DLG2: variants seen among roughly 807,000 people sequenced by gnomAD.
DLG2 encodes discs large MAGUK scaffold protein 2.
Under a neutral mutation model 132.5 loss-of-function variants are expected in DLG2, and 45 were observed. The ratio of observed to expected loss-of-function variants is 0.34; its 90% CI spans 0.27 to 0.44. The LOEUF (loss-of-function observed/expected upper bound fraction) is 0.44. DLG2 is among the 20% of genes least tolerant of loss of function. The probability of loss-of-function intolerance (pLI) is 1.00; values close to 1 mark genes in which losing one functional copy is unlikely to be tolerated. For missense variants in DLG2, 1,045 were observed against 1,196.9 expected (o/e 0.87, Z 1.87); for synonymous variants, 424 against 419.6 (o/e 1.01, Z -0.13).
intron 7 of DLG2, among the ~76,000 whole-genome samples, chr11:84,516,367 A>ACT (rs1213161769): frequency 4.6e-5 from 7 of 151,644 alleles, no homozygotes; most frequent in African/African-American, 1.7e-4. Context: ...AGACTCAGAT[A>ACT]AAGTCAAACA....
intron 3 of DLG2, among the ~76,000 whole-genome samples, chr11:85,295,385 C>T (rs1208078385): frequency 6.6e-6 from 1 of 152,118 alleles, no homozygotes; most frequent in Non-Finnish European, 1.5e-5. Context: ...AAGAAATTAG[C>T]ATTTGCCATT....
intron 6 of DLG2, among the ~76,000 whole-genome samples, chr11:84,863,996 G>A (rs4144289): frequency 0.51 from 77,849 of 151,988 alleles, 21,139 homozygotes; most frequent in African/African-American, 0.69. Flanking sequence ...TATAAACTGT[G>A]AAGTTTCAGG....
intron 18 of DLG2, among the ~76,000 whole-genome samples, chr11:83,747,495 G>A (rs1301901190): frequency 6.6e-6 from 1 of 151,888 alleles, no homozygotes; most frequent in Non-Finnish European, 1.5e-5. Flanking sequence ...AGCCTTTCCA[G>A]TAGCTGGGAC....
intron 25 of DLG2, among the ~76,000 whole-genome samples, chr11:83,468,036 C>T (rs1313933233): frequency 1.3e-5 from 2 of 151,768 alleles, no homozygotes; most frequent in Middle Eastern, 3.2e-3. Context: ...TCTGGATATG[C>T]AGATACATTT....
chr11:83,541,355 G>T (rs557949980), intron 20 of DLG2, among the ~76,000 whole-genome samples: 8 of 152,086 alleles, frequency 5.3e-5, no homozygotes, highest in African/African-American at 1.7e-4. Context: ...GGAAATAAAT[G>T]GACTGAATTT....
chr11:83,814,667 T>C (rs1386924288), intron 17 of DLG2: 1 of 156,606 alleles, frequency 6.4e-6, no homozygotes, highest in Non-Finnish European at 1.4e-5. Flanking sequence ...TAAAATGCTT[T>C]CTGTTCAATC....
chr11:84,196,394 G>A (rs1445106896), intron 8 of DLG2, among the ~76,000 whole-genome samples: 2 of 152,196 alleles, frequency 1.3e-5, no homozygotes, highest in East Asian at 3.9e-4. Context: ...AAGGAGAACT[G>A]TGTGAGAAAG....
intron 4 of DLG2, 128 bp from the exon 5 acceptor site, chr11:85,154,779 T>C (rs1157503357): frequency 7.3e-6 from 4 of 551,136 alleles, no homozygotes; most frequent in African/African-American, 1.9e-5. Context: ...CTTATTTCAA[T>C]TTTAGCATAT....
chr11:84,540,962 G>A (rs1487432069), intron 6 of DLG2, among the ~76,000 whole-genome samples: 2 of 152,054 alleles, frequency 1.3e-5, no homozygotes, highest in Non-Finnish European at 2.9e-5. Flanking sequence ...AACACTGCAT[G>A]TTCTCACTCA....
At chr11:84,369,905 C>G (rs1401370158) in intron 7 of DLG2, among the ~76,000 whole-genome samples, 4 of 152,152 alleles carry the variant, frequency 2.6e-5, no homozygotes, top group African/African-American at 4.8e-5. Flanking sequence ...TATCCCTTCA[C>G]CTTACTAATG....
chr11:84,994,059 AT>A (rs2057398175), intron 6 of DLG2, among the ~76,000 whole-genome samples: 1 of 152,248 alleles, frequency 6.6e-6, no homozygotes, highest in South Asian at 2.1e-4. Context: ...AATTAAAAAA[AT>A]AATTTAAAAA....
At chr11:84,684,162 G>T (rs966805676) in intron 6 of DLG2, among the ~76,000 whole-genome samples, 1 of 152,060 alleles carries the variant, frequency 6.6e-6, no homozygotes. Context: ...TTTCTACTTT[G>T]GCTACAATAT....
intron 3 of DLG2, among the ~76,000 whole-genome samples, chr11:85,456,242 G>A (rs1456880154): frequency 6.6e-6 from 1 of 152,114 alleles, no homozygotes; most frequent in Admixed American, 6.5e-5. Context: ...AGGTTTTCTG[G>A]TTTGTGTGCA....
intron 7 of DLG2, among the ~76,000 whole-genome samples, chr11:84,486,846 C>T (rs981148284): frequency 3.3e-5 from 5 of 152,034 alleles, no homozygotes; most frequent in African/African-American, 9.7e-5. Flanking sequence ...TAAAGATATT[C>T]AAGACCCTGG....
chr11:85,047,001 T>G (rs1433987188), intron 6 of DLG2, among the ~76,000 whole-genome samples: 1 of 151,988 alleles, frequency 6.6e-6, no homozygotes, highest in Non-Finnish European at 1.5e-5. Flanking sequence ...TTTCCTTGGC[T>G]ACTTTTCCAT....
intron 11 of DLG2, among the ~76,000 whole-genome samples, chr11:83,994,632 G>A (rs1297764105): frequency 2.0e-5 from 3 of 152,066 alleles, no homozygotes; most frequent in East Asian, 1.9e-4. Context: ...GAAAGGGATC[G>A]GGGTAAAATA....
chr11:85,194,712 T>C, intron 4 of DLG2, among the ~76,000 whole-genome samples: 1 of 151,456 alleles, frequency 6.6e-6, no homozygotes, highest in East Asian at 2.0e-4. Flanking sequence ...ATCCTGTCCA[T>C]CCTCCTGGCT....
intron 3 of DLG2, among the ~76,000 whole-genome samples, chr11:85,418,397 G>T (rs183452356): frequency 1.2e-3 from 176 of 152,296 alleles, no homozygotes; most frequent in African/African-American, 4.1e-3. Context: ...TGTGATGTGT[G>T]CTGAGAAGAA....
intron 18 of DLG2, among the ~76,000 whole-genome samples, chr11:83,673,443 C>T (rs759822999): frequency 6.6e-6 from 1 of 152,172 alleles, no homozygotes; most frequent in African/African-American, 2.4e-5. Context: ...TTAGCTAGTA[C>T]CCTATGGCTC....
Sources: allele counts gnomAD v4.1 joint callset (sites outside exome capture counted in the v4.1 genomes callset), GRCh38; gene constraint gnomAD v4.1.1; transcripts MANE v1.5; gene names NCBI Gene and HGNC (gene_info 2026-07-23, HGNC 2026-07-21).